Variants in PLXDC1 observed in about 807,000 individuals in gnomAD.
The protein encoded by PLXDC1 is plexin domain-containing protein 1.
A neutral mutation model predicts 61.3 loss-of-function variants in PLXDC1; 39 were observed. That is an observed-to-expected ratio of 0.64 (90% CI 0.49 to 0.83). The LOEUF is 0.83. Ranked by LOEUF, PLXDC1 falls within the 40% of genes least tolerant of loss-of-function variation. The probability of loss-of-function intolerance (pLI) is 0.00; values close to 1 mark genes in which losing one functional copy is unlikely to be tolerated. For synonymous variants in PLXDC1, 212 were observed against 254.5 expected, an observed-to-expected ratio of 0.83 and a Z score of 1.59; for missense variants, 596 against 666.5, an observed-to-expected ratio of 0.89 and a Z score of 1.17.
intron 12 of PLXDC1, among the ~76,000 whole-genome samples, chr17:39,071,705 A>AAC (rs375901459): frequency 1.3e-5 from 2 of 151,894 alleles, no homozygotes; most frequent in South Asian, 2.1e-4. Context: ...CCACCCCCAC[A>AAC]ACACACACAC....
chr17:39,086,627 C>T (rs567081688), intron 8 of PLXDC1, among the ~76,000 whole-genome samples: 3 of 151,958 alleles, frequency 2.0e-5, no homozygotes, highest in Non-Finnish European at 4.4e-5. Flanking sequence ...TTTGGGAGGC[C>T]GAGGTGGGTG....
intron 2 of PLXDC1, among the ~76,000 whole-genome samples, chr17:39,129,257 G>T (rs1270170173): frequency 6.6e-6 from 1 of 150,458 alleles, no homozygotes; most frequent in Non-Finnish European, 1.5e-5. Context: ...GACAGAGGTT[G>T]CAGTGAGCCA....
At chr17:39,111,347 T>G (rs1910793334) in intron 2 of PLXDC1, among the ~76,000 whole-genome samples, 1 of 152,202 alleles carries the variant, frequency 6.6e-6, no homozygotes, top group Admixed American at 6.5e-5. Context: ...TGCCATGGCA[T>G]GGCCTCGGCT....
intron 6 of PLXDC1, 46 bp from the exon 7 acceptor site, chr17:39,105,999 G>GTGGGCCCCAGA: frequency 3.0e-6 from 4 of 1,338,974 alleles, no homozygotes; most frequent in Non-Finnish European, 4.3e-6. Flanking sequence ...AACGCTCTGG[G>GTGGGCCCCAGA]GCCCACCCAG....
intron 2 of PLXDC1, among the ~76,000 whole-genome samples, chr17:39,122,827 A>G (rs1338380519): frequency 6.6e-6 from 1 of 152,238 alleles, no homozygotes; most frequent in Non-Finnish European, 1.5e-5. Flanking sequence ...AGGCAGTGTG[A>G]TATGGATTTC....
chr17:39,128,768 TG>T (rs951223537), intron 2 of PLXDC1, among the ~76,000 whole-genome samples: 4 of 151,772 alleles, frequency 2.6e-5, no homozygotes, highest in Admixed American at 2.0e-4. Context: ...CCCAGCACTT[TG>T]GGAGGTCGAG....
intron 9 of PLXDC1, chr17:39,079,381 C>T (rs1285568483): frequency 1.7e-6 from 1 of 597,788 alleles, no homozygotes; most frequent in Non-Finnish European, 3.1e-6. Context: ...GGACCAAGGC[C>T]ACATCTGCCC....
At chr17:39,123,955 T>C (rs1236358907) in intron 2 of PLXDC1, among the ~76,000 whole-genome samples, 1 of 151,878 alleles carries the variant, frequency 6.6e-6, no homozygotes, top group Non-Finnish European at 1.5e-5. Context: ...GGCAGCTGGG[T>C]CCAACCCAGG....
chr17:39,131,314 T>TAGGCATGGAGAAA (rs906155848), intron 2 of PLXDC1, among the ~76,000 whole-genome samples: 2 of 151,908 alleles, frequency 1.3e-5, no homozygotes, highest in Non-Finnish European at 2.9e-5. Flanking sequence ...CCTGCCTCCC[T>TAGGCATGGAGAAA]GGACATGCTT....
upstream of PLXDC1, chr17:39,151,655 G>T (rs900090829): frequency 4.3e-6 from 3 of 701,698 alleles, no homozygotes; most frequent in Non-Finnish European, 5.4e-6. The surrounding 1 kb of genome is among the most constrained non-coding windows in gnomAD (Gnocchi z 5.2). Flanking sequence ...GAGCTGGGGG[G>T]GCCGCTGGGT....
intron 2 of PLXDC1, among the ~76,000 whole-genome samples, chr17:39,109,849 A>G (rs973026430): frequency 2.6e-5 from 4 of 152,220 alleles, no homozygotes; most frequent in Non-Finnish European, 4.4e-5. Context: ...TTTAATGGAA[A>G]AGGAAAATCT....
At chr17:39,109,633 G>A (rs761409707) in intron 2 of PLXDC1, among the ~76,000 whole-genome samples, 17 of 152,158 alleles carry the variant, frequency 1.1e-4, no homozygotes, top group Middle Eastern at 3.2e-3. Context: ...CCAAATCCAC[G>A]CCTGCTGCCC....
At chr17:39,134,572 G>C (rs1319953897) in intron 2 of PLXDC1, among the ~76,000 whole-genome samples, 4 of 149,684 alleles carry the variant, frequency 2.7e-5, no homozygotes, top group Non-Finnish European at 5.9e-5. Flanking sequence ...GTTGCAGTGA[G>C]CTAAGATCAT....
At chr17:39,151,929 G>A (rs1483233252), upstream of PLXDC1, among the ~76,000 whole-genome samples, 1 of 152,142 alleles carries the variant, frequency 6.6e-6, no homozygotes, top group African/African-American at 2.4e-5. This position sits in a 1 kb window ranked among gnomAD's most constrained non-coding sequence, Gnocchi z 5.2. Flanking sequence ...GCTGCAGAGA[G>A]AAGGCCCGAG....
At chr17:39,104,028 T>G (rs929500507) in intron 7 of PLXDC1, among the ~76,000 whole-genome samples, 1 of 152,186 alleles carries the variant, frequency 6.6e-6, no homozygotes, top group Admixed American at 6.5e-5. Flanking sequence ...GACACCAGCA[T>G]GAGGACACTG....
Position 39,107,093 on chromosome 17 carries a change from T to G in PLXDC1, c.711+314A>C, listed in dbSNP as rs573735740. Among the ~76,000 whole-genome samples the G allele has an allele frequency of 6.6e-5, 10 of 152,326 alleles. No homozygotes were observed. In the South Asian group the frequency reaches 1.2e-3, roughly 19 times the overall value. On this transcript the variant is annotated intron_variant, in intron 6 of 13. Transcript: ENST00000315392. ...CTGAACTCGTATTTATCCTTCAGATTTCAACTCTTTTCCTCAGCAAAGCCT... is the reference window on the plus strand; with the variant it reads ...CTGAACTCGTATTTATCCTTCAGATGTCAACTCTTTTCCTCAGCAAAGCCT...
rs540606041 is a variant in PLXDC1 at position 39,088,073 on chromosome 17, C to T, written c.812-371G>A. Among the ~76,000 whole-genome samples the T allele has an allele frequency of 1.0e-3, 155 of 152,346 alleles. 1 individual carries two copies. The South Asian group carries it at 0.012, about 11-fold the overall frequency. ...TGCAGATCTAGCTCAAGGGCCACTT[C>T]CCCTGAGCAGCCCTCCTTGGCCAGC... On this transcript the variant is annotated intron_variant, in intron 7 of 13. Transcript: ENST00000315392.
At chr17:39,136,025 G>A (rs1213469821) in intron 2 of PLXDC1, among the ~76,000 whole-genome samples, 1 of 152,204 alleles carries the variant, frequency 6.6e-6, no homozygotes, top group Non-Finnish European at 1.5e-5. Context: ...TCTGACCTGT[G>A]TGTCTGGTCC....
At chr17:39,093,442 C>T (rs989530444) in intron 7 of PLXDC1, among the ~76,000 whole-genome samples, 31 of 152,278 alleles carry the variant, frequency 2.0e-4, no homozygotes, top group African/African-American at 7.5e-4. Context: ...AAATTACGGG[C>T]ACAGTGGCTC....
Sources: allele counts gnomAD v4.1 joint callset (sites outside exome capture counted in the v4.1 genomes callset), GRCh38; gene constraint gnomAD v4.1.1; non-coding constraint Gnocchi (gnomAD v3.1); transcripts MANE v1.5; gene names NCBI Gene and HGNC (gene_info 2026-07-23, HGNC 2026-07-21).